Variants in RSBN1 observed in about 807,000 individuals in gnomAD.
RSBN1 encodes the protein lysine-specific demethylase 9.
Under a neutral mutation model 74.8 loss-of-function variants are expected in RSBN1, and 23 were observed. The ratio of observed to expected loss-of-function variants is 0.31; its 90% CI spans 0.22 to 0.44. The LOEUF is 0.44. RSBN1 is among the 20% of genes least tolerant of loss of function. RSBN1 has a pLI of 1.00. For synonymous variants in RSBN1, 407 were observed against 379.6 expected (o/e 1.07, Z -0.84); for missense variants, 808 against 1,020.9 (o/e 0.79, Z 2.84).
intron 1 of RSBN1, among the ~76,000 whole-genome samples, chr1:113,799,913 T>C (rs962635182): frequency 6.6e-6 from 1 of 152,156 alleles, no homozygotes; most frequent in Non-Finnish European, 1.5e-5. Flanking sequence ...ATTTACTGCA[T>C]AGAATTTACC....
In RSBN1 at chr1:113,766,001, T is replaced by C; in HGVS notation, c.2388A>G (p.Glu796=). The C allele has an allele frequency of 6.2e-7, 1 of 1,613,058 alleles. No homozygotes were observed. The highest frequency in any genetic ancestry group is 8.5e-7 in the Non-Finnish European group (1 of 1,179,124). The change falls in exon 7 of 7, where the codon GAA becomes GAG. Residue 796 remains glutamate, a synonymous_variant. Transcript: ENST00000261441. Reference sequence around the variant, plus strand: ...CATATCACACAGAAGTGGTTGAATGTTCTTGCAGATTGTGTTGCTGGTCAG... The same window carrying C: ...CATATCACACAGAAGTGGTTGAATGCTCTTGCAGATTGTGTTGCTGGTCAG... ...LDSDQQHNLQ[E]HSTTSV
At chr1:113,769,578 C>A (rs1293356091) in intron 4 of RSBN1, among the ~76,000 whole-genome samples, 2 of 151,982 alleles carry the variant, frequency 1.3e-5, no homozygotes, top group Non-Finnish European at 2.9e-5. Flanking sequence ...TCAAGAATTT[C>A]TAAATATAAT....
chr1:113,789,428 CTGTT>C (rs1451568010), intron 2 of RSBN1, among the ~76,000 whole-genome samples: 1 of 152,162 alleles, frequency 6.6e-6, no homozygotes, highest in Non-Finnish European at 1.5e-5. Context: ...CTTCATATGG[CTGTT>C]TATTTGCACC....
In RSBN1 at chr1:113,765,113, A is replaced by G. The variant is rs1245259420; in HGVS notation, c.*867T>C. ...ATGCTCAAAATATGGCAGCCTCATC[A>G]GAAAGACTATTATTATTCTCTAAGT... On this transcript the variant is annotated 3_prime_UTR_variant, in exon 7 of 7. Coordinates refer to ENST00000261441, the MANE Select transcript of RSBN1 (RefSeq NM_018364.5). The G allele has an allele frequency of 6.6e-6, 1 of 152,322 alleles. No homozygotes were observed. The highest frequency in any genetic ancestry group is 1.5e-5 in the Non-Finnish European group (1 of 68,008). The allele number at this position is 152,322 out of a possible 1,614,324, so 9.4% of individuals were successfully genotyped here.
chr1:113,793,810 G>C (rs1660417698), intron 2 of RSBN1, among the ~76,000 whole-genome samples: 1 of 151,962 alleles, frequency 6.6e-6, no homozygotes, highest in Admixed American at 6.6e-5. Flanking sequence ...TGGGATTACA[G>C]GCGCCCGCCA....
chr1:113,800,197 TAAGAACAATAA>T (rs1660553728), intron 1 of RSBN1, among the ~76,000 whole-genome samples: 1 of 152,148 alleles, frequency 6.6e-6, no homozygotes, highest in Non-Finnish European at 1.5e-5. Flanking sequence ...TATTTCCTTC[TAAGAACAATAA>T]AATGAAAACC....
chr1:113,789,526 C>CA (rs1660325129), intron 2 of RSBN1, among the ~76,000 whole-genome samples: 1 of 152,190 alleles, frequency 6.6e-6, no homozygotes, highest in Non-Finnish European at 1.5e-5. Context: ...CCACTGAACT[C>CA]AAAGAGGGGA....
chr1:113,768,191 C>A, intron 5 of RSBN1, 31 bp downstream of exon 5: 1 of 1,564,776 alleles, frequency 6.4e-7, no homozygotes. Flanking sequence ...ACAATATTAA[C>A]CAACCTTGCA....
chr1:113,805,570 A>T (rs1437665218), intron 1 of RSBN1, among the ~76,000 whole-genome samples: 1 of 152,186 alleles, frequency 6.6e-6, no homozygotes, highest in Non-Finnish European at 1.5e-5. Context: ...ATGAGGGAAA[A>T]AAATTGAGTT....
At chr1:113,800,496 T>G (rs1660560717) in intron 1 of RSBN1, among the ~76,000 whole-genome samples, 1 of 152,154 alleles carries the variant, frequency 6.6e-6, no homozygotes, top group African/African-American at 2.4e-5. Context: ...CCATTCAATA[T>G]AAAGGTTAGA....
chr1:113,771,476 AAC>A lies in RSBN1; in HGVS notation c.1659-3089_1659-3088del, dbSNP rs146013008. Among the ~76,000 whole-genome samples the A allele has an allele frequency of 5.1e-3, 783 of 152,158 alleles. 4 individuals carry two copies. Among genetic ancestry groups the A allele is most frequent in the African/African-American group, 0.018 (744 of 41,550 alleles). ...ACTGAAATAAGCCTTCTATAGGCAG[AAC>A]ACAGAGTTCCAAAAGATATCCACAT... On this transcript the variant is annotated intron_variant, in intron 4 of 6. Transcript: ENST00000261441.
intron 6 of RSBN1, 50 bp downstream of exon 6, chr1:113,767,049 T>C (rs1157267803): frequency 2.9e-6 from 3 of 1,040,214 alleles, no homozygotes; most frequent in South Asian, 2.9e-5. Context: ...AAAATGGGTA[T>C]AGATATTTAC....
intron 4 of RSBN1, 144 bp from the exon 5 acceptor site, chr1:113,768,533 G>A: frequency 1.8e-6 from 1 of 552,844 alleles, no homozygotes; most frequent in Non-Finnish European, 3.2e-6. Flanking sequence ...CAATGATTAT[G>A]ATCATTAGCA....
intron 1 of RSBN1, among the ~76,000 whole-genome samples, chr1:113,798,242 AT>A (rs1354183524): frequency 1.3e-5 from 2 of 152,148 alleles, no homozygotes; most frequent in African/African-American, 2.4e-5. Flanking sequence ...GAAGGTATCC[AT>A]TTTTCAAAGC....
At chr1:113,800,442 A>G (rs2101821696) in intron 1 of RSBN1, among the ~76,000 whole-genome samples, 1 of 152,210 alleles carries the variant, frequency 6.6e-6, no homozygotes, top group East Asian at 1.9e-4. Flanking sequence ...CCCAATATCA[A>G]ATCAGTAATT....
chr1:113,791,052 A>C (rs1209354723), intron 2 of RSBN1, among the ~76,000 whole-genome samples: 1 of 152,172 alleles, frequency 6.6e-6, no homozygotes, highest in Non-Finnish European at 1.5e-5. Flanking sequence ...AGCACAGTGG[A>C]GGAACAAACA....
At chr1:113,795,538 T>A (rs1011535384) in intron 2 of RSBN1, among the ~76,000 whole-genome samples, 1 of 152,232 alleles carries the variant, frequency 6.6e-6, no homozygotes, top group Non-Finnish European at 1.5e-5. Flanking sequence ...TGAAAATTCA[T>A]AAATAAAATT....
chr1:113,805,645 CTTCT>C (rs1188156576), intron 1 of RSBN1, among the ~76,000 whole-genome samples: 1 of 152,196 alleles, frequency 6.6e-6, no homozygotes, highest in East Asian at 1.9e-4. Context: ...CTGAAAATCA[CTTCT>C]TTCTGTTTTA....
Position 113,797,416 on chromosome 1 carries a change from T to C in RSBN1, c.1324A>G (p.Ile442Val). The C allele has an allele frequency of 6.2e-7, 1 of 1,613,228 alleles. No individual in the cohort carries two copies. Among genetic ancestry groups the C allele is most frequent in the Non-Finnish European group, 8.5e-7 (1 of 1,179,758 alleles). ...GTTTCAATATCTTTCTTGCCCAGAATTTCCATTTTCACTGGAGTGTTGGGG... is the reference window on the plus strand; with the variant it reads ...GTTTCAATATCTTTCTTGCCCAGAACTTCCATTTTCACTGGAGTGTTGGGG... ...NFPNTPVKME[I>V]LGKKDIETTT... Residue 442 changes from isoleucine (I) to valine (V), a missense_variant, in exon 2 of 7, where the codon ATT (isoleucine) becomes GTT (valine). Ile to Val is a conservative substitution (Grantham distance 29). Around this residue, in one of 6 missense-constraint regions of RSBN1, gnomAD observed 112 missense variants for 257.3 expected, o/e 0.44. Coordinates refer to ENST00000261441, the MANE Select transcript of RSBN1 (RefSeq NM_018364.5).
Sources: allele counts gnomAD v4.1 joint callset (sites outside exome capture counted in the v4.1 genomes callset), GRCh38; gene constraint gnomAD v4.1.1; regional missense constraint gnomAD v4.1.1; transcripts MANE v1.5; gene names NCBI Gene and HGNC (gene_info 2026-07-23, HGNC 2026-07-21).